Variants in CARD14 observed in about 807,000 individuals in gnomAD.
CARD14 encodes the protein caspase recruitment domain-containing protein 14.
A neutral mutation model predicts 111.5 loss-of-function variants in CARD14; 107 were observed. The observed-to-expected ratio is 0.96, with a 90% CI of 0.82 to 1.13. CARD14 has a LOEUF of 1.13. Among genes scored for constraint, CARD14 ranks in the 50% most tolerant of loss-of-function variants. The pLI is 0.00. For missense variants in CARD14, 1,322 were observed against 1,362.3 expected (o/e 0.97, Z 0.47); for synonymous variants, 617 against 579.6 (o/e 1.06, Z -0.93).
chr17:80,170,880 C>T (rs2039881722), intron 1 of CARD14, among the ~76,000 whole-genome samples: 1 of 145,040 alleles, frequency 6.9e-6, no homozygotes, highest in South Asian at 2.3e-4. Context: ...CCCTCTGTCG[C>T]CCAGGCTAGA....
In CARD14 at chr17:80,188,025, G is replaced by A; in HGVS notation, c.676-352G>A. ...GATGTATTTAGCAGAACATGGACAA[G>A]CAGGGAAGCCAGGGAGCATGCTGGC... On this transcript the variant is annotated intron_variant, in intron 7 of 23. Transcript: ENST00000648509. This position sits in a 1 kb window ranked among gnomAD's most constrained non-coding sequence, Gnocchi z 4.5. 1 of 964,150 alleles carries A rather than the reference G, an allele frequency of 1.0e-6. No individual in the cohort carries two copies. 59.7% of individuals were successfully genotyped at this position (964,150 alleles called of 1,614,324 possible).
At position 80,182,651 on chromosome 17, in the gene CARD14, A is replaced by G. The variant is rs1330497863; in HGVS notation, c.212-2A>G. 1.9e-6 allele frequency: 3 copies of G among 1,613,926 alleles called. No individual in the cohort carries two copies. The highest frequency in any genetic ancestry group is 2.2e-5 in the South Asian group (2 of 91,048). ...CCCAGACAGACGGTTCTGCCTCCCA[A>G]GGGCACTTGCTGGATTTGCTGAAGA... On this transcript the variant is annotated splice_acceptor_variant, in intron 5 of 23. Coordinates refer to ENST00000648509, the MANE Select transcript of CARD14 (RefSeq NM_001366385.1). LOFTEE classifies it high-confidence loss of function. This position sits in a 1 kb window ranked among gnomAD's most constrained non-coding sequence, Gnocchi z 4.7.
Position 80,205,591 on chromosome 17 carries a change from G to A in CARD14, c.2630G>A (p.Gly877Glu), listed in dbSNP as rs1328714675. ...CAGAGAGGGGACATCATCCAGGAGGGAGAGGTGTCCGGGGGCCGCTGCTGG... is the reference window on the plus strand; with the variant it reads ...CAGAGAGGGGACATCATCCAGGAGGAAGAGGTGTCCGGGGGCCGCTGCTGG... ...WSQRGDIIQE[G>E]EVSGGRCWVT... is the part of the protein sequence containing the mutation. The change falls in exon 22 of 24, where the codon GGA (glycine) becomes GAA (glutamate). Residue 877 changes from glycine to glutamate, a missense_variant. Coordinates refer to ENST00000648509, the MANE Select transcript of CARD14 (RefSeq NM_001366385.1). 1.3e-6 allele frequency: 2 copies of A among 1,572,846 alleles called. No homozygotes were observed. The highest frequency in any genetic ancestry group is 1.2e-5 in the South Asian group (1 of 85,966).
intron 2 of CARD14, among the ~76,000 whole-genome samples, chr17:80,174,505 G>A (rs2039978215): frequency 1.3e-5 from 2 of 152,174 alleles, no homozygotes; most frequent in African/African-American, 2.4e-5. Flanking sequence ...GAGCCACGTC[G>A]CCTGGACTTC....
rs188854006 is a variant in CARD14, at chr17:80,182,874, C to A, written c.349+84C>A. 4.5e-4 allele frequency: 695 copies of A among 1,531,254 alleles called. 3 individuals are homozygous for A. Among genetic ancestry groups the A allele is most frequent in the Non-Finnish European group, 5.5e-5 (61 of 1,116,480 alleles). The allele number at this position is 1,531,254 out of a possible 1,614,324, so 94.9% of individuals were successfully genotyped here. On this transcript the variant is annotated intron_variant, in intron 6 of 23. Transcript: ENST00000648509. This position sits in a 1 kb window ranked among gnomAD's most constrained non-coding sequence, Gnocchi z 4.7. The stretch of plus-strand genomic sequence containing the variant: ...AACCCCAGGTGCCCCGCTTACTTGC[C>A]GATTTGCCCTACTCCCCCTTCCCTC...
In CARD14 at chr17:80,204,000, C is replaced by A. The variant is rs368429580; in HGVS notation, c.2283+115C>A. 54 of 901,012 alleles carry A rather than the reference C, an allele frequency of 6.0e-5. 1 individual carries two copies. Among genetic ancestry groups the A allele is most frequent in the African/African-American group, 5.7e-4 (34 of 59,644 alleles). The allele number at this position is 901,012 out of a possible 1,614,324, so 55.8% of individuals were successfully genotyped here. On this transcript the variant is annotated intron_variant, in intron 19 of 23. Coordinates refer to ENST00000648509, the MANE Select transcript of CARD14 (RefSeq NM_001366385.1). The surrounding 1 kb of genome is among the most constrained non-coding windows in gnomAD (Gnocchi z 4.6). ...GAGTGGGCTGCTGATTGGAGGGTAACCCCACCTGTCTCTCCTCTGCACCCC... is the reference window on the plus strand; with the variant it reads ...GAGTGGGCTGCTGATTGGAGGGTAAACCCACCTGTCTCTCCTCTGCACCCC...
chr17:80,197,848 T>A (rs2040774761), intron 14 of CARD14, among the ~76,000 whole-genome samples: 1 of 152,136 alleles, frequency 6.6e-6, no homozygotes, highest in Non-Finnish European at 1.5e-5. Context: ...TTAGGAAAGA[T>A]GAAATCAAGG....
At chr17:80,174,388 T>G (rs985237047) in intron 2 of CARD14, among the ~76,000 whole-genome samples, 15 of 152,196 alleles carry the variant, frequency 9.9e-5, no homozygotes, top group Admixed American at 5.9e-4. Flanking sequence ...AATATTTGTA[T>G]TTTTAGTAGA....
chr17:80,175,952 GTTTTTTTTTTTTTTTTTTTTTT>G (rs531556673), intron 2 of CARD14, among the ~76,000 whole-genome samples: 5 of 53,472 alleles, frequency 9.4e-5, no homozygotes, highest in African/African-American at 2.5e-4. Flanking sequence ...CTCTCGGATC[GTTTTTTTTTTTTTTTTTTTTTT>G]TTTTTTTTTT....
rs1457104128 is a variant in CARD14, at chr17:80,198,554, A to G, written c.1814A>G (p.Asp605Gly). The G allele has an allele frequency of 1.9e-6, 3 of 1,612,918 alleles. No homozygotes were observed. Among genetic ancestry groups the G allele is most frequent in the Non-Finnish European group, 2.5e-6 (3 of 1,179,836 alleles). Reference protein sequence around the residue: ...IHRVTPGSAADQMALRPGTQI... With the variant: ...IHRVTPGSAAGQMALRPGTQI... ...CGGGTCACCCCGGGCTCGGCGGCGG[A>G]CCAGATGGCCTTGCGCCCGGGCACC... Residue 605 changes from aspartate (D) to glycine (G), a missense_variant, in exon 16 of 24, where the codon GAC becomes GGC. Coordinates refer to ENST00000648509, the MANE Select transcript of CARD14 (RefSeq NM_001366385.1). The surrounding 1 kb of genome is among the most constrained non-coding windows in gnomAD (Gnocchi z 7.5).
chr17:80,184,839 T>G (rs1434868504), intron 7 of CARD14, among the ~76,000 whole-genome samples: 1 of 147,368 alleles, frequency 6.8e-6, no homozygotes, highest in Non-Finnish European at 1.5e-5. Flanking sequence ...GGCGGGATAG[T>G]TGGTCTCTGT....
Position 80,188,900 on chromosome 17 carries a change from A to C in CARD14, c.843+356A>C. On this transcript the variant is annotated intron_variant, in intron 8 of 23. Coordinates refer to ENST00000648509, the MANE Select transcript of CARD14 (RefSeq NM_001366385.1). This position sits in a 1 kb window ranked among gnomAD's most constrained non-coding sequence, Gnocchi z 4.5. ...ACCCCATCTCTACAAAAAATACAAA[A>C]AGTAGCCGGGCATGGTGGTGCACAC... 1 of 157,620 alleles carries C rather than the reference A, an allele frequency of 6.3e-6. No individual in the cohort carries two copies. Among genetic ancestry groups the C allele is most frequent in the Non-Finnish European group, 1.4e-5 (1 of 71,856 alleles). 9.8% of individuals were successfully genotyped at this position (157,620 alleles called of 1,614,324 possible).
At position 80,191,038 on chromosome 17, in the gene CARD14, C is replaced by A. The variant is rs117097614; in HGVS notation, c.1089+139C>A. On this transcript the variant is annotated intron_variant, in intron 10 of 23. Coordinates refer to ENST00000648509, the MANE Select transcript of CARD14 (RefSeq NM_001366385.1). Reference sequence around the variant, plus strand: ...TCAGGGTCTCTTTCCTCGGTCCACACGAAGTTTCTTCACTCCTCCAGGCCT... The same window carrying A: ...TCAGGGTCTCTTTCCTCGGTCCACAAGAAGTTTCTTCACTCCTCCAGGCCT... 0.02 allele frequency: 24,227 copies of A among 1,227,466 alleles called. 333 individuals carry two copies. Among genetic ancestry groups the A allele is most frequent in the Non-Finnish European group, 0.022 (19,666 of 894,110 alleles). The allele number at this position is 1,227,466 out of a possible 1,614,324, so 76.0% of individuals were successfully genotyped here.
At chr17:80,205,675 C>T in intron 22 of CARD14, 23 bp downstream of exon 22, 1 of 1,500,894 alleles carries the variant, frequency 6.7e-7, no homozygotes, top group South Asian at 1.3e-5. Flanking sequence ...GCGGGGTGGG[C>T]AGGGGAGCTG....
Position 80,184,124 on chromosome 17 carries a change from C to T in CARD14, c.561C>T (p.His187=), listed in dbSNP as rs770073985. The change falls in exon 7 of 24, where the codon CAC becomes CAT. Residue 187 remains histidine (H), a synonymous_variant. Transcript: ENST00000648509. ...GCATGAAGCGTGAGGTTAGCGCACA[C>T]TTCCATGAGGTGCTGAGGCTGAAGG... is the stretch of plus-strand genomic sequence containing the variant. The part of the protein sequence containing the change: ...HSRMKREVSA[H]FHEVLRLKDE... 1.9e-6 allele frequency: 3 copies of T among 1,573,404 alleles called. No individual in the cohort carries two copies. The African/African-American group carries it at 4.1e-5, about 21-fold the overall frequency.
rs2144236495 is a variant in CARD14 at position 80,188,609 on chromosome 17, G to A, written c.843+65G>A. ...TTGGGGGCTTGGCCCTCAGGCTGTG[G>A]GGTTTCTGACAGGTGGTTTAGTTAA... On this transcript the variant is annotated intron_variant, in intron 8 of 23. Transcript: ENST00000648509. The surrounding 1 kb of genome is among the most constrained non-coding windows in gnomAD (Gnocchi z 4.5). 1 of 1,375,032 alleles carries A rather than the reference G, an allele frequency of 7.3e-7. No homozygotes were observed. The highest frequency in any genetic ancestry group is 9.5e-7 in the Non-Finnish European group (1 of 1,057,166). The allele number at this position is 1,375,032 out of a possible 1,614,324, so 85.2% of individuals were successfully genotyped here.
At chr17:80,185,728 G>A (rs1364865133) in intron 7 of CARD14, among the ~76,000 whole-genome samples, 1 of 152,182 alleles carries the variant, frequency 6.6e-6, no homozygotes. Flanking sequence ...CTTCATTTGG[G>A]AACAGCCCAC....
rs1245550888 is a variant in CARD14 at position 80,208,660 on chromosome 17, A to AG, written c.*317dup. The AG allele has an allele frequency of 3.4e-6, 1 of 290,274 alleles. No homozygotes were observed. The highest frequency in any genetic ancestry group is 6.4e-6 in the Non-Finnish European group (1 of 156,966). The allele number at this position is 290,274 out of a possible 1,614,324, so 18.0% of individuals were successfully genotyped here. A position where few individuals can be genotyped will look rare whatever the true frequency, so the allele number is the denominator to read the frequency against. On this transcript the variant is annotated 3_prime_UTR_variant, in exon 24 of 24. Coordinates refer to ENST00000648509, the MANE Select transcript of CARD14 (RefSeq NM_001366385.1). ...CTTCCCATGCCTTCCCTAGAACCGG[A>AG]GGCCCCGGACTTCTCTGGAAAACCG... is the stretch of plus-strand genomic sequence containing the variant.
At chr17:80,176,439 CA>C (rs11290027) in intron 2 of CARD14, among the ~76,000 whole-genome samples, 66,942 of 96,660 alleles carry the variant, frequency 0.69, 21,800 homozygotes, top group East Asian at 0.85. Context: ...GACCTTGTCT[CA>C]AAAAAAAAAA....
Sources: gnomAD v4.1 joint callset for allele counts (sites outside exome capture counted in the v4.1 genomes callset) on GRCh38, gnomAD v4.1.1 for gene constraint, Gnocchi (gnomAD v3.1) non-coding constraint, MANE v1.5 for transcripts, NCBI Gene and HGNC (gene_info 2026-07-23, HGNC 2026-07-21) for gene names.